KCNQ2: variants seen among roughly 807,000 people sequenced by gnomAD.
KCNQ2 encodes the protein potassium voltage-gated channel subfamily KQT member 2.
KCNQ2 carries 14 observed loss-of-function variants against 84.8 expected under a neutral mutation model. The ratio of observed to expected loss-of-function variants is 0.17; its 90% CI spans 0.11 to 0.26. The LOEUF is 0.26. Ranked by LOEUF, KCNQ2 falls within the 10% of genes least tolerant of loss-of-function variation. The probability of loss-of-function intolerance (pLI) is 1.00; values close to 1 mark genes in which losing one functional copy is unlikely to be tolerated. For synonymous variants in KCNQ2, 599 were observed against 554.1 expected, an observed-to-expected ratio of 1.08 and a Z score of -1.14; for missense variants, 788 against 1,254.0, an observed-to-expected ratio of 0.63 and a Z score of 5.61.
At chr20:63,430,333 A>C (rs892189045) in intron 9 of KCNQ2, among the ~76,000 whole-genome samples, 1 of 151,862 alleles carries the variant, frequency 6.6e-6, no homozygotes, top group African/African-American at 2.4e-5. Context: ...GACATTGGAG[A>C]TGTCTTATGG....
intron 15 of KCNQ2, among the ~76,000 whole-genome samples, chr20:63,410,829 C>T (rs1004402429): frequency 9.2e-5 from 14 of 152,170 alleles, no homozygotes; most frequent in African/African-American, 3.4e-4. Flanking sequence ...TTGGCTGTAC[C>T]CAGAAACTGT....
At chr20:63,424,794 C>T (rs932353841) in intron 10 of KCNQ2, among the ~76,000 whole-genome samples, 1 of 152,330 alleles carries the variant, frequency 6.6e-6, no homozygotes, top group South Asian at 2.1e-4. Context: ...GGGCTGTTTC[C>T]GCGGGTAAAG....
chr20:63,413,184 CAT>C (rs1429669045), intron 15 of KCNQ2: 56 of 522,438 alleles, frequency 1.1e-4, no homozygotes, highest in African/African-American at 9.0e-4. Context: ...CACACACACA[CAT>C]GCACACACAC....
intron 12 of KCNQ2, among the ~76,000 whole-genome samples, chr20:63,418,526 G>A (rs1357152495): frequency 6.6e-6 from 1 of 152,210 alleles, no homozygotes; most frequent in East Asian, 1.9e-4. Flanking sequence ...CCTGCCCTGG[G>A]TTGTTCTCTG....
At chr20:63,444,046 C>T (rs545930835) in intron 4 of KCNQ2, among the ~76,000 whole-genome samples, 6 of 152,322 alleles carry the variant, frequency 3.9e-5, no homozygotes, top group Non-Finnish European at 7.4e-5. Flanking sequence ...GGGGCTGACC[C>T]CTGCCCATTC....
intron 8 of KCNQ2, among the ~76,000 whole-genome samples, chr20:63,432,754 A>AGGGAAGGCCCCACCCT (rs1217563718): frequency 1.2e-5 from 1 of 81,794 alleles, no homozygotes; most frequent in Non-Finnish European, 2.7e-5. Flanking sequence ...GGCTCCACCC[A>AGGGAAGGCCCCACCCT]CAGGGAAGGC....
intron 9 of KCNQ2, among the ~76,000 whole-genome samples, chr20:63,429,271 C>A (rs569142934): frequency 2.6e-5 from 4 of 151,548 alleles, no homozygotes; most frequent in Non-Finnish European, 2.9e-5. Flanking sequence ...GGGCCTCCCC[C>A]ACCCGGCTCC....
At chr20:63,437,526 G>A (rs559407213) in intron 7 of KCNQ2, 9 of 152,338 alleles carry the variant, frequency 5.9e-5, no homozygotes, top group African/African-American at 1.4e-4. Context: ...GACACTCCGC[G>A]GCTTGTGGCC....
Position 63,408,637 on chromosome 20 carries a change from G to A in KCNQ2, c.1764-101C>T. The A allele has an allele frequency of 2.6e-6, 4 of 1,535,762 alleles. No homozygotes were observed. The highest frequency in any genetic ancestry group is 3.5e-6 in the Non-Finnish European group (4 of 1,140,088). On this transcript the variant is annotated intron_variant, in intron 15 of 16. Transcript: ENST00000359125. The surrounding 1 kb of genome is among the most constrained non-coding windows in gnomAD (Gnocchi z 5.0). ...GCCACAGTGCCCCTGGGTCTAGGCTGCAGGCTCAGCCCAGAGCCGACCAGG... is the reference window on the plus strand; with the variant it reads ...GCCACAGTGCCCCTGGGTCTAGGCTACAGGCTCAGCCCAGAGCCGACCAGG...
rs1269354890 is a variant in KCNQ2, at chr20:63,438,463, A to G, written c.1023+162T>C. 10 of 695,164 alleles carry G rather than the reference A, an allele frequency of 1.4e-5. No homozygotes were observed. Among genetic ancestry groups the G allele is most frequent in the Non-Finnish European group, 2.3e-5 (9 of 387,728 alleles). 43.1% of individuals were successfully genotyped at this position (695,164 alleles called of 1,614,324 possible). A position where few individuals can be genotyped will look rare whatever the true frequency, so the allele number is the denominator to read the frequency against. The stretch of plus-strand genomic sequence containing the variant: ...AGGGGTTGGAGCCATTTCTCAACAC[A>G]CACACTTCACATCCTCGCTCCTTCC... On this transcript the variant is annotated intron_variant, in intron 7 of 16. Coordinates refer to ENST00000359125, the MANE Select transcript of KCNQ2 (RefSeq NM_172107.4). This position sits in a 1 kb window ranked among gnomAD's most constrained non-coding sequence, Gnocchi z 5.1.
At chr20:63,466,129 C>T (rs2082075301) in intron 1 of KCNQ2, among the ~76,000 whole-genome samples, 1 of 152,178 alleles carries the variant, frequency 6.6e-6, no homozygotes, top group Non-Finnish European at 1.5e-5. Flanking sequence ...CCGGAAGCCA[C>T]GAACAGGAAG....
chr20:63,432,378 T>A (rs1282026602), intron 8 of KCNQ2, among the ~76,000 whole-genome samples: 767 of 30,880 alleles, frequency 0.025, no homozygotes, highest in Middle Eastern at 0.1. Context: ...CTCCACCCTC[T>A]GGGAAGGCCC....
chr20:63,410,963 T>C lies in KCNQ2; in HGVS notation c.1764-2427A>G, dbSNP rs1432545815. ...AGACAGGGAACCACCGTCATCTGAA[T>C]AGTCCCTGGGAGGCAAGAAGGCCTT... On this transcript the variant is annotated intron_variant, in intron 15 of 16. Transcript: ENST00000359125. The C allele has an allele frequency of 6.6e-6, 3 of 454,424 alleles. No homozygotes were observed. In the East Asian group the frequency reaches 2.1e-4, roughly 32 times the overall value. 28.1% of individuals were successfully genotyped at this position (454,424 alleles called of 1,614,324 possible).
At chr20:63,412,883 C>T (rs1379790872) in intron 15 of KCNQ2, among the ~76,000 whole-genome samples, 1 of 152,192 alleles carries the variant, frequency 6.6e-6, no homozygotes, top group Non-Finnish European at 1.5e-5. Flanking sequence ...TTTGTATGTG[C>T]CTGAGGCTGC....
chr20:63,430,827 G>A (rs1339382657), intron 9 of KCNQ2, among the ~76,000 whole-genome samples: 2 of 152,246 alleles, frequency 1.3e-5, no homozygotes, highest in Non-Finnish European at 2.9e-5. Context: ...GGCCCGCAGA[G>A]GCTGCCCTGT....
At chr20:63,429,197 T>A (rs2080721431) in intron 9 of KCNQ2, among the ~76,000 whole-genome samples, 1 of 131,060 alleles carries the variant, frequency 7.6e-6, no homozygotes, top group Non-Finnish European at 1.6e-5. Context: ...CTCTGCCCAC[T>A]CCTCCTCACC....
chr20:63,472,132 A>G, intron 1 of KCNQ2, 36 bp downstream of exon 1: 1 of 1,441,260 alleles, frequency 6.9e-7, no homozygotes, highest in Non-Finnish European at 9.2e-7. Context: ...GGGGGTCGCC[A>G]TGGGGGTCGC....
chr20:63,430,145 A>T (rs767531692), intron 9 of KCNQ2, among the ~76,000 whole-genome samples: 35 of 152,342 alleles, frequency 2.3e-4, no homozygotes, highest in Middle Eastern at 6.8e-3. Context: ...CATGCCTCGA[A>T]CACACAGAGC....
At position 63,438,820 on chromosome 20, in the gene KCNQ2, T is replaced by C. The variant is rs1361352373; in HGVS notation, c.928-100A>G. The C allele has an allele frequency of 6.5e-6, 5 of 768,548 alleles. No homozygotes were observed. The highest frequency in any genetic ancestry group is 2.3e-5 in the African/African-American group (1 of 42,996). The allele number at this position is 768,548 out of a possible 1,614,324, so 47.6% of individuals were successfully genotyped here. The stretch of plus-strand genomic sequence containing the variant: ...GGGGCCCCACACCCCCCCCAATTCA[T>C]CAGGGTCAGACCACACTCCAGAGAC... On this transcript the variant is annotated intron_variant, in intron 6 of 16. Transcript: ENST00000359125. This position sits in a 1 kb window ranked among gnomAD's most constrained non-coding sequence, Gnocchi z 5.1.
Sources: allele counts gnomAD v4.1 joint callset (sites outside exome capture counted in the v4.1 genomes callset), GRCh38; gene constraint gnomAD v4.1.1; non-coding constraint Gnocchi (gnomAD v3.1); transcripts MANE v1.5; gene names NCBI Gene and HGNC (gene_info 2026-07-23, HGNC 2026-07-21).